Variants in TNIP3 observed in about 807,000 individuals in gnomAD.
TNIP3 encodes the protein TNFAIP3 interacting protein 3.
A neutral mutation model predicts 54.1 loss-of-function variants in TNIP3; 34 were observed. The ratio of observed to expected loss-of-function variants is 0.63; its 90% CI spans 0.48 to 0.84. The LOEUF is 0.84. Among genes scored for constraint, TNIP3 ranks in the 40% least tolerant of loss-of-function variants. TNIP3 has a pLI of 0.00. For missense variants in TNIP3, 366 were observed against 387.6 expected, an observed-to-expected ratio of 0.94 and a Z score of 0.47; for synonymous variants, 134 against 136.8, an observed-to-expected ratio of 0.98 and a Z score of 0.14.
At chr4:121,203,474 A>G (rs1726013029) in intron 2 of TNIP3, among the ~76,000 whole-genome samples, 1 of 152,090 alleles carries the variant, frequency 6.6e-6, no homozygotes, top group South Asian at 2.1e-4. Flanking sequence ...AGGGGAAAGA[A>G]TGGGACAGGG....
chr4:121,189,354 G>C (rs1446640771), intron 2 of TNIP3, among the ~76,000 whole-genome samples: 1 of 152,190 alleles, frequency 6.6e-6, no homozygotes, highest in Non-Finnish European at 1.5e-5. Flanking sequence ...AGGAAGAATT[G>C]ACAGTAGATT....
In TNIP3 at chr4:121,203,901, A is replaced by G. The variant is rs538211940; in HGVS notation, c.68+12514T>C. 1.2e-4 allele frequency among the ~76,000 whole-genome samples: 18 copies of G among 148,440 alleles called. No individual in the cohort carries two copies. The South Asian group carries it at 3.6e-3, about 29-fold the overall frequency. ...TATAAGTAGAGTATATATACAATATATGTGTGTATATATATATACTAATAC... is the reference window on the plus strand; with the variant it reads ...TATAAGTAGAGTATATATACAATATGTGTGTGTATATATATATACTAATAC... On this transcript the variant is annotated intron_variant, in intron 2 of 12. Transcript: ENST00000507879.
At chr4:121,197,594 T>A (rs112267036) in intron 2 of TNIP3, among the ~76,000 whole-genome samples, 3,948 of 150,942 alleles carry the variant, frequency 0.026, 166 homozygotes, top group African/African-American at 0.09. Context: ...AGTATTTAAA[T>A]TTTTTAGATA....
intron 5 of TNIP3, chr4:121,154,314 C>G (rs1442750083): frequency 2.1e-6 from 1 of 469,130 alleles, no homozygotes; most frequent in Non-Finnish European, 3.7e-6. Flanking sequence ...GTAATTCCTC[C>G]TCATTTCTCT....
intron 10 of TNIP3, chr4:121,138,056 G>A (rs780104290): frequency 9.0e-6 from 4 of 445,980 alleles, no homozygotes; most frequent in African/African-American, 2.0e-5. Flanking sequence ...TAAAAAATAA[G>A]ATTTAAAAAA....
chr4:121,140,223 A>G (rs1198178953), intron 9 of TNIP3, among the ~76,000 whole-genome samples: 2 of 152,224 alleles, frequency 1.3e-5, no homozygotes, highest in Non-Finnish European at 2.9e-5. Flanking sequence ...AGTCCCAGCC[A>G]GTCGGGAGGC....
At chr4:121,163,922 G>A (rs112145947) in intron 1 of TNIP3, 138 bp downstream of exon 1, 11 of 972,182 alleles carry the variant, frequency 1.1e-5, no homozygotes, top group African/African-American at 1.7e-5. Context: ...CATAATTTTG[G>A]TTAAAAATAT....
chr4:121,195,182 AAC>A (rs907011684), intron 2 of TNIP3, among the ~76,000 whole-genome samples: 1 of 152,198 alleles, frequency 6.6e-6, no homozygotes, highest in African/African-American at 2.4e-5. Flanking sequence ...ACAAAAAAAA[AAC>A]TTCTTAATTA....
upstream of TNIP3, among the ~76,000 whole-genome samples, chr4:121,167,689 T>A (rs1006552974): frequency 2.0e-5 from 3 of 152,222 alleles, no homozygotes; most frequent in Non-Finnish European, 2.9e-5. Context: ...AGTGGTTTTT[T>A]AATTGGTTTT....
At chr4:121,170,167 A>G (rs1730989908) in intron 3 of TNIP3, among the ~76,000 whole-genome samples, 1 of 152,198 alleles carries the variant, frequency 6.6e-6, no homozygotes, top group Admixed American at 6.5e-5. Flanking sequence ...CACTTATTGT[A>G]AAGCAGTTGT....
intron 6 of TNIP3, among the ~76,000 whole-genome samples, chr4:121,149,129 G>T (rs1026293906): frequency 3.3e-5 from 5 of 152,176 alleles, no homozygotes; most frequent in African/African-American, 1.2e-4. Flanking sequence ...TTAGACACAG[G>T]TAGTTTAACC....
At position 121,171,772 on chromosome 4, in the gene TNIP3, C is replaced by G. The variant is rs571959565; in HGVS notation, c.190-7626G>C. On this transcript the variant is annotated intron_variant, in intron 3 of 12. Coordinates refer to the TNIP3 transcript ENST00000507879. ...TTGAGATGGAGTCTCACACTGTCAC[C>G]CAGGCTGGAGTGCAGTGATGCGATC... Among the ~76,000 whole-genome samples the G allele has an allele frequency of 1.1e-3, 170 of 152,230 alleles. 1 individual carries two copies. Among genetic ancestry groups the G allele is most frequent in the African/African-American group, 3.7e-3 (154 of 41,538 alleles).
Position 121,161,123 on chromosome 4 carries a change from A to G in TNIP3, c.147+13T>C, listed in dbSNP as rs1338806603. ...CATGGCACCTGTGGCTTTAGCGAAT[A>G]TTTCTAAGTTACCTCTTTTCTTTGT... On this transcript the variant is annotated intron_variant, in intron 2 of 10. Coordinates refer to ENST00000057513, the MANE Select transcript of TNIP3 (RefSeq NM_024873.6). 6.4e-7 allele frequency: 1 copy of G among 1,560,224 alleles called. No individual in the cohort carries two copies. Among genetic ancestry groups the G allele is most frequent in the Middle Eastern group, 1.7e-4 (1 of 5,968 alleles).
At chr4:121,176,511 CATTATGATGATGATG>C (rs532300094) in intron 3 of TNIP3, among the ~76,000 whole-genome samples, 3,288 of 116,474 alleles carry the variant, frequency 0.028, 74 homozygotes, top group Admixed American at 0.05. Flanking sequence ...ATCCTACTAG[CATTATGATGATGATG>C]ATGATGATGA....
chr4:121,162,672 T>C (rs1730523731), intron 1 of TNIP3, among the ~76,000 whole-genome samples: 1 of 152,218 alleles, frequency 6.6e-6, no homozygotes, highest in East Asian at 1.9e-4. Flanking sequence ...TTTAGAATGG[T>C]GGTTCCCACC....
At chr4:121,216,706 A>G, upstream of TNIP3, 1 of 1,204,228 alleles carries the variant, frequency 8.3e-7, no homozygotes, top group African/African-American at 1.5e-5. Flanking sequence ...TGAAAGGTAA[A>G]CCACTGGGTG....
At chr4:121,161,333 AC>A in intron 1 of TNIP3, 117 bp from the exon 2 acceptor site, 1 of 792,498 alleles carries the variant, frequency 1.3e-6, no homozygotes, top group East Asian at 2.7e-5. Flanking sequence ...TTTAAAAAAT[AC>A]CTGATTCTAG....
exon 3 of TNIP3, chr4:121,182,685 A>C (rs1724781882): frequency 6.5e-7 from 1 of 1,534,158 alleles, no homozygotes; most frequent in East Asian, 2.4e-5. Context: ...CCTTCAGAGA[A>C]CATAGATTTC....
chr4:121,218,175 A>G (rs933338207), upstream of TNIP3, among the ~76,000 whole-genome samples: 4 of 152,216 alleles, frequency 2.6e-5, no homozygotes, highest in Non-Finnish European at 1.5e-5. Flanking sequence ...TACAGATACA[A>G]CATCATAACA....
Sources: gnomAD v4.1 joint callset for allele counts (sites outside exome capture counted in the v4.1 genomes callset) on GRCh38, gnomAD v4.1.1 for gene constraint, MANE v1.5 for transcripts, NCBI Gene and HGNC (gene_info 2026-07-23, HGNC 2026-07-21) for gene names.